SGCZ: variants seen among roughly 807,000 people sequenced by gnomAD.
The protein encoded by SGCZ is zeta-sarcoglycan.
Under a neutral mutation model 41.3 loss-of-function variants are expected in SGCZ, and 40 were observed. The ratio of observed to expected loss-of-function variants is 0.97; its 90% CI spans 0.75 to 1.26. The LOEUF (loss-of-function observed/expected upper bound fraction) is 1.26. SGCZ is among the 50% of genes most tolerant of loss of function. The pLI is 0.00. For missense variants in SGCZ, 552 were observed against 369.8 expected, an observed-to-expected ratio of 1.49 and a Z score of -4.04; for synonymous variants, 206 against 137.5, an observed-to-expected ratio of 1.50 and a Z score of -3.49.
chr8:14,453,051 C>G (rs985862033), intron 2 of SGCZ, among the ~76,000 whole-genome samples: 1 of 151,776 alleles, frequency 6.6e-6, no homozygotes, highest in African/African-American at 2.4e-5. Context: ...TGCAGGGAGC[C>G]GAGATGAGAT....
At chr8:14,213,111 A>C (rs1714138834) in intron 4 of SGCZ, among the ~76,000 whole-genome samples, 1 of 152,176 alleles carries the variant, frequency 6.6e-6, no homozygotes. Flanking sequence ...AAATTACAGA[A>C]GGAGAGGAGT....
chr8:14,100,587 ATAT>A (rs1000325213), intron 7 of SGCZ, among the ~76,000 whole-genome samples: 86 of 140,106 alleles, frequency 6.1e-4, no homozygotes, highest in African/African-American at 2.2e-3. Context: ...TTCAAATAAT[ATAT>A]TATATTTTAT....
At chr8:14,865,440 C>CAGGAAA (rs58342165) in intron 1 of SGCZ, among the ~76,000 whole-genome samples, 47,158 of 151,598 alleles carry the variant, frequency 0.31, 9,679 homozygotes, top group African/African-American at 0.58. Flanking sequence ...GCTCTGCCCT[C>CAGGAAA]AGGAACACAA....
chr8:14,907,647 A>G (rs1000490352), intron 1 of SGCZ, among the ~76,000 whole-genome samples: 10 of 152,144 alleles, frequency 6.6e-5, no homozygotes, highest in African/African-American at 2.2e-4. Context: ...TTCAAGTCCA[A>G]TCTGGGCAAC....
At chr8:15,226,822 A>C (rs577493971) in intron 1 of SGCZ, among the ~76,000 whole-genome samples, 1 of 150,256 alleles carries the variant, frequency 6.7e-6, no homozygotes, top group South Asian at 2.1e-4. Context: ...CTAGGGTTCT[A>C]ACAGAAGGAA....
chr8:14,371,619 G>A (rs1019583684), intron 2 of SGCZ, among the ~76,000 whole-genome samples: 2 of 151,980 alleles, frequency 1.3e-5, no homozygotes, highest in East Asian at 1.9e-4. Context: ...ATTCCTCTGA[G>A]AGTCTACTCA....
intron 1 of SGCZ, among the ~76,000 whole-genome samples, chr8:15,130,826 G>A (rs763621916): frequency 1.6e-4 from 24 of 152,172 alleles, no homozygotes; most frequent in Non-Finnish European, 2.5e-4. Flanking sequence ...TATACAGAAG[G>A]GATATGAATG....
chr8:15,151,035 C>G (rs1799165675), intron 1 of SGCZ, among the ~76,000 whole-genome samples: 1 of 152,226 alleles, frequency 6.6e-6, no homozygotes, highest in Non-Finnish European at 1.5e-5. Context: ...ATCTTACGTT[C>G]TATCTCTTTC....
chr8:15,037,473 C>G (rs1803914196), intron 1 of SGCZ, among the ~76,000 whole-genome samples: 1 of 152,150 alleles, frequency 6.6e-6, no homozygotes, highest in Non-Finnish European at 1.5e-5. Flanking sequence ...TTTATCACAG[C>G]ATGAGAATGG....
intron 3 of SGCZ, among the ~76,000 whole-genome samples, chr8:14,300,571 T>C (rs34614527): frequency 0.27 from 40,290 of 151,806 alleles, 6,823 homozygotes; most frequent in Non-Finnish European, 0.38. Context: ...AAGATTGTTA[T>C]GAAGATTAAA....
At chr8:14,864,834 G>A (rs1401711153) in intron 1 of SGCZ, among the ~76,000 whole-genome samples, 8 of 151,924 alleles carry the variant, frequency 5.3e-5, no homozygotes, top group Admixed American at 3.3e-4. Context: ...ATCAGTGTTT[G>A]TTATTTTTGG....
intron 3 of SGCZ, among the ~76,000 whole-genome samples, chr8:14,258,866 G>C (rs1799555199): frequency 6.6e-6 from 1 of 152,268 alleles, no homozygotes; most frequent in Admixed American, 6.5e-5. Context: ...ACATGCCCTT[G>C]CCTTCTTCAT....
At chr8:14,285,686 T>C (rs1050954051) in intron 3 of SGCZ, among the ~76,000 whole-genome samples, 2 of 152,064 alleles carry the variant, frequency 1.3e-5, no homozygotes, top group African/African-American at 4.8e-5. Flanking sequence ...CCAAGAATAG[T>C]GGATAGTTGT....
chr8:15,102,338 A>T (rs1486203473), intron 1 of SGCZ, among the ~76,000 whole-genome samples: 1 of 152,216 alleles, frequency 6.6e-6, no homozygotes, highest in African/African-American at 2.4e-5. Flanking sequence ...GAGAATAAAA[A>T]GGTAAGTGGG....
chr8:14,589,849 A>G (rs1476573230), intron 1 of SGCZ, among the ~76,000 whole-genome samples: 1 of 152,150 alleles, frequency 6.6e-6, no homozygotes, highest in Non-Finnish European at 1.5e-5. Context: ...CCAAGAAGAA[A>G]TCTTCCGTAT....
At chr8:14,144,036 C>T (rs760657738) in intron 5 of SGCZ, among the ~76,000 whole-genome samples, 2 of 152,140 alleles carry the variant, frequency 1.3e-5, no homozygotes, top group Non-Finnish European at 2.9e-5. Context: ...TCCAAATAAA[C>T]TTAAAAGGCA....
intron 1 of SGCZ, among the ~76,000 whole-genome samples, chr8:14,561,765 G>A (rs1563412111): frequency 6.6e-6 from 1 of 152,004 alleles, no homozygotes; most frequent in African/African-American, 2.4e-5. Context: ...GTTTAAATTT[G>A]CACTTTGAAA....
intron 1 of SGCZ, among the ~76,000 whole-genome samples, chr8:14,871,892 A>G (rs1187768516): frequency 1.1e-4 from 16 of 150,346 alleles, no homozygotes; most frequent in Admixed American, 8.7e-4. Flanking sequence ...ATGTATGTAT[A>G]TATGTATGTA....
At chr8:14,363,183 C>A (rs1803588068) in intron 2 of SGCZ, among the ~76,000 whole-genome samples, 1 of 152,118 alleles carries the variant, frequency 6.6e-6, no homozygotes, top group South Asian at 2.1e-4. Context: ...AGCAATGTGA[C>A]TTTTGATGCA....
Sources: allele counts gnomAD v4.1 joint callset (sites outside exome capture counted in the v4.1 genomes callset), GRCh38; gene constraint gnomAD v4.1.1; transcripts MANE v1.5; gene names NCBI Gene and HGNC (gene_info 2026-07-23, HGNC 2026-07-21).